DPH6: variants seen among roughly 807,000 people sequenced by gnomAD.
DPH6 encodes the protein diphthamine biosynthesis 6.
DPH6 carries 33 observed loss-of-function variants against 38.2 expected under a neutral mutation model. The observed-to-expected ratio is 0.86, with a 90% CI of 0.65 to 1.15. The LOEUF is 1.15. DPH6 is among the 50% of genes most tolerant of loss of function. The probability of loss-of-function intolerance (pLI) is 0.00; values close to 1 mark genes in which losing one functional copy is unlikely to be tolerated. For synonymous variants in DPH6, 108 were observed against 103.0 expected (o/e 1.05, Z -0.30); for missense variants, 325 against 320.0 (o/e 1.02, Z -0.12).
chr15:35,540,081 G>T (rs545663601), intron 2 of DPH6, among the ~76,000 whole-genome samples: 5 of 152,126 alleles, frequency 3.3e-5, no homozygotes, highest in Non-Finnish European at 5.9e-5. Flanking sequence ...GGGCTTCTTG[G>T]CAAGAAACAT....
At chr15:35,410,940 G>A (rs1385866325) in intron 5 of DPH6, 44 bp from the exon 6 acceptor site, 6 of 1,552,212 alleles carry the variant, frequency 3.9e-6, no homozygotes, top group South Asian at 1.2e-5. Context: ...TATCAGATAG[G>A]AACTTTAAAG....
At chr15:35,495,505 C>A (rs368671403) in intron 3 of DPH6, among the ~76,000 whole-genome samples, 1 of 152,144 alleles carries the variant, frequency 6.6e-6, no homozygotes, top group African/African-American at 2.4e-5. Flanking sequence ...GCACTAGCAT[C>A]AAAAAACACT....
the DPH6 span, among the ~76,000 whole-genome samples, chr15:35,160,912 T>C: frequency 6.6e-6 from 1 of 151,944 alleles, no homozygotes; most frequent in South Asian, 2.1e-4. Context: ...ACACCGCATG[T>C]TCTCACTCAT....
chr15:35,446,609 A>G (rs1422124729), intron 5 of DPH6, among the ~76,000 whole-genome samples: 1 of 152,130 alleles, frequency 6.6e-6, no homozygotes, highest in Non-Finnish European at 1.5e-5. Context: ...AACATGCAAA[A>G]TGTGTTAATG....
intron 3 of DPH6, among the ~76,000 whole-genome samples, chr15:35,479,932 A>G (rs73380797): frequency 0.01 from 1,531 of 152,266 alleles, 26 homozygotes; most frequent in African/African-American, 0.035. Flanking sequence ...TTAACTAAAA[A>G]GAAAACAAGA....
chr15:35,255,351 G>A (rs998735930), intron 3 of DPH6, among the ~76,000 whole-genome samples: 1 of 152,156 alleles, frequency 6.6e-6, no homozygotes, highest in Admixed American at 6.5e-5. Context: ...CCATCCATTG[G>A]TTTGAGAATC....
chr15:35,185,084 G>A, the DPH6 span, among the ~76,000 whole-genome samples: 1 of 148,280 alleles, frequency 6.7e-6, no homozygotes. Context: ...TCCAATGTGG[G>A]AAAAAAAAAA....
intron 3 of DPH6, among the ~76,000 whole-genome samples, chr15:35,332,437 T>C (rs1387694261): frequency 6.6e-6 from 1 of 152,222 alleles, no homozygotes; most frequent in Non-Finnish European, 1.5e-5. Context: ...ATCAGTTTTA[T>C]TCCTTTTTAT....
intron 3 of DPH6, among the ~76,000 whole-genome samples, chr15:35,254,018 T>A (rs546659353): frequency 1.0e-3 from 158 of 152,296 alleles, no homozygotes; most frequent in African/African-American, 3.5e-3. Context: ...TTGATTTGAA[T>A]ATCAAAGGGA....
Position 35,350,464 on chromosome 15 carries a change from CTTCT to C in DPH6, n.208-19391_208-19388del, listed in dbSNP as rs987775089. Among the ~76,000 whole-genome samples, 185 of 151,770 alleles carry C rather than the reference CTTCT, an allele frequency of 1.2e-3. 1 individual carries two copies. Among genetic ancestry groups the C allele is most frequent in the Non-Finnish European group, 6.8e-4 (46 of 67,910 alleles). On this transcript the variant is annotated intron_variant and non_coding_transcript_variant, in intron 3 of 3. Coordinates refer to the DPH6 transcript ENST00000558973. ...TGCTCTAACATTTGTTAGTTTCTTCCTTCTATTAACTTTGAGTTTAGTTTGTTCT... is the reference window on the plus strand; with the variant it reads ...TGCTCTAACATTTGTTAGTTTCTTCCATTAACTTTGAGTTTAGTTTGTTCT...
In DPH6 at chr15:35,227,174, CTTTTTTTTTTTTTTT is replaced by C. The variant is rs71415001; in HGVS notation, n.201-6607_201-6593del. On this transcript the variant is annotated intron_variant and non_coding_transcript_variant, in intron 3 of 3. Coordinates refer to the DPH6 transcript ENST00000560386. Reference sequence around the variant, plus strand: ...TCTGCAATATCAGTTATAACATCTTCTTTTTTTTTTTTTTTTTTTTTTTTTTTGAGATGGAGTCTT... The same window carrying C: ...TCTGCAATATCAGTTATAACATCTTCTTTTTTTTTTTTGAGATGGAGTCTT... Among the ~76,000 whole-genome samples the C allele has an allele frequency of 7.5e-3, 578 of 77,086 alleles. 11 individuals are homozygous for C. Among genetic ancestry groups the C allele is most frequent in the Non-Finnish European group, 0.011 (400 of 37,974 alleles). 50.6% of individuals were successfully genotyped at this position (77,086 alleles called of 152,430 possible).
intron 3 of DPH6, among the ~76,000 whole-genome samples, chr15:35,516,446 C>G (rs1410953458): frequency 6.6e-6 from 1 of 152,134 alleles, no homozygotes; most frequent in East Asian, 1.9e-4. Flanking sequence ...GTTGTACGTA[C>G]TACTACTAGT....
At chr15:35,264,673 A>C (rs921134014) in intron 3 of DPH6, among the ~76,000 whole-genome samples, 7 of 152,252 alleles carry the variant, frequency 4.6e-5, no homozygotes, top group Admixed American at 4.6e-4. Context: ...CTTTAAATAA[A>C]GTACCAGTTT....
chr15:35,439,225 C>T (rs548325566), intron 5 of DPH6, among the ~76,000 whole-genome samples: 193 of 152,186 alleles, frequency 1.3e-3, no homozygotes, highest in Non-Finnish European at 2.3e-3. Flanking sequence ...TGGAATGGAC[C>T]GAACTAATGA....
chr15:35,204,961 C>A, the DPH6 span, among the ~76,000 whole-genome samples: 4 of 151,824 alleles, frequency 2.6e-5, no homozygotes, highest in African/African-American at 9.7e-5. Flanking sequence ...GAGAGAAACA[C>A]AGATAGTGAG....
intron 3 of DPH6, among the ~76,000 whole-genome samples, chr15:35,526,745 T>C (rs1379266209): frequency 1.3e-5 from 2 of 152,172 alleles, no homozygotes; most frequent in Non-Finnish European, 2.9e-5. Flanking sequence ...TGCTTAGATT[T>C]TAAAGACAAG....
At chr15:35,158,337 G>C in the DPH6 span, among the ~76,000 whole-genome samples, 1 of 152,072 alleles carries the variant, frequency 6.6e-6, no homozygotes, top group Admixed American at 6.6e-5. Context: ...TTGCATTGCT[G>C]TCTTCATCAA....
chr15:35,317,456 GGAAA>G (rs145169289), intron 3 of DPH6, among the ~76,000 whole-genome samples: 1,619 of 149,766 alleles, frequency 0.011, 15 homozygotes, highest in Middle Eastern at 0.017. Flanking sequence ...AGAAAAAGAA[GGAAA>G]GAAAGAAAGA....
In DPH6 at chr15:35,430,120, C is replaced by G. The variant is rs1409100178; in HGVS notation, c.506-19224G>C. On this transcript the variant is annotated intron_variant, in intron 5 of 8. Coordinates refer to ENST00000256538, the MANE Select transcript of DPH6 (RefSeq NM_080650.4). ...CTGTTCAAATATATGTTAAGTGAAC[C>G]TTAAAGTTTTCCAGTGAAAGTAAAT... Among the ~76,000 whole-genome samples the G allele has an allele frequency of 2.0e-5, 3 of 152,046 alleles. No individual in the cohort carries two copies. In the East Asian group the frequency reaches 5.8e-4, roughly 29 times the overall value.
Sources: allele counts gnomAD v4.1 joint callset (sites outside exome capture counted in the v4.1 genomes callset), GRCh38; gene constraint gnomAD v4.1.1; transcripts MANE v1.5; gene names NCBI Gene and HGNC (gene_info 2026-07-23, HGNC 2026-07-21).